Variants in KHDRBS2 observed in about 807,000 individuals in gnomAD.
KHDRBS2 encodes the protein KH domain-containing, RNA-binding, signal transduction-associated protein 2.
In KHDRBS2, 26 loss-of-function variants were observed where a neutral mutation model predicts 44.3. The ratio of observed to expected loss-of-function variants is 0.59; its 90% CI spans 0.43 to 0.81. KHDRBS2 has a LOEUF of 0.81. KHDRBS2 is among the 40% of genes least tolerant of loss of function. The pLI is 0.00. For missense variants in KHDRBS2, 476 were observed against 433.1 expected (o/e 1.10, Z -0.88); for synonymous variants, 194 against 151.1 (o/e 1.28, Z -2.08).
chr6:62,212,059 G>A (rs1251157471), intron 1 of KHDRBS2, among the ~76,000 whole-genome samples: 1 of 152,136 alleles, frequency 6.6e-6, no homozygotes, highest in Non-Finnish European at 1.5e-5. Context: ...TGCAGGAACA[G>A]AAAAGCAAAT....
At chr6:61,891,872 T>A (rs1281361762) in intron 6 of KHDRBS2, among the ~76,000 whole-genome samples, 1 of 152,114 alleles carries the variant, frequency 6.6e-6, no homozygotes, top group Admixed American at 6.6e-5. Flanking sequence ...ACCACTCCTA[T>A]TCAACATAGT....
chr6:62,225,160 A>G (rs917487922), intron 1 of KHDRBS2, among the ~76,000 whole-genome samples: 1 of 152,218 alleles, frequency 6.6e-6, no homozygotes, highest in African/African-American at 2.4e-5. Context: ...ATATAAATAA[A>G]TGATCTAGCT....
chr6:61,735,442 A>G (rs937147167), intron 6 of KHDRBS2, among the ~76,000 whole-genome samples: 7 of 152,134 alleles, frequency 4.6e-5, no homozygotes, highest in African/African-American at 1.7e-4. Context: ...AATTTCTACA[A>G]TTGTCCCAAG....
intron 1 of KHDRBS2, among the ~76,000 whole-genome samples, chr6:62,262,682 GTATTGCTT>G (rs1433387537): frequency 1.3e-5 from 2 of 151,590 alleles, no homozygotes; most frequent in African/African-American, 4.8e-5. Flanking sequence ...TTTTTAGCAA[GTATTGCTT>G]TATTATCTTT....
the KHDRBS2 span, among the ~76,000 whole-genome samples, chr6:61,557,086 C>T: frequency 1.3e-5 from 2 of 151,744 alleles, no homozygotes; most frequent in Non-Finnish European, 2.9e-5. Context: ...ATACTTTTGC[C>T]CTCATGTACC....
At chr6:61,820,859 G>A (rs1391352462) in intron 6 of KHDRBS2, among the ~76,000 whole-genome samples, 2 of 151,914 alleles carry the variant, frequency 1.3e-5, no homozygotes, top group Non-Finnish European at 2.9e-5. Flanking sequence ...TAAATTGAAT[G>A]GTAGTAAACA....
intron 6 of KHDRBS2, among the ~76,000 whole-genome samples, chr6:61,763,563 T>C (rs937825786): frequency 1.3e-5 from 2 of 152,180 alleles, no homozygotes; most frequent in South Asian, 4.1e-4. Context: ...TATGAGATCA[T>C]TAGGAGCCCT....
At chr6:62,020,657 T>A (rs1407320943) in intron 3 of KHDRBS2, among the ~76,000 whole-genome samples, 1 of 152,062 alleles carries the variant, frequency 6.6e-6, no homozygotes, top group African/African-American at 2.4e-5. Context: ...TTATATTTTA[T>A]TTATCAACTG....
chr6:61,722,615 A>G (rs866788496), intron 7 of KHDRBS2, among the ~76,000 whole-genome samples: 1 of 152,172 alleles, frequency 6.6e-6, no homozygotes, highest in African/African-American at 2.4e-5. Context: ...TATTTTCACA[A>G]TTCAAAATCA....
At chr6:62,012,404 A>C (rs1451302076) in intron 3 of KHDRBS2, among the ~76,000 whole-genome samples, 1 of 152,138 alleles carries the variant, frequency 6.6e-6, no homozygotes, top group African/African-American at 2.4e-5. Flanking sequence ...ACTCATCCAC[A>C]ATCCTTTTCC....
the KHDRBS2 span, among the ~76,000 whole-genome samples, chr6:61,639,860 G>GT: frequency 1.3e-5 from 2 of 152,118 alleles, no homozygotes; most frequent in Admixed American, 6.6e-5. Context: ...AAAATAAAGT[G>GT]TTTTTCTGAT....
chr6:62,224,418 G>A (rs1238694238), intron 1 of KHDRBS2, among the ~76,000 whole-genome samples: 1 of 152,100 alleles, frequency 6.6e-6, no homozygotes, highest in East Asian at 1.9e-4. Context: ...GTGTGTGTGT[G>A]TGTAAAGTGT....
intron 1 of KHDRBS2, among the ~76,000 whole-genome samples, chr6:62,244,545 T>G (rs1297590056): frequency 1.3e-5 from 2 of 152,104 alleles, no homozygotes; most frequent in African/African-American, 2.4e-5. Context: ...GAGAATAAAT[T>G]AAGGACAATT....
At chr6:62,165,945 A>G (rs1818599634) in intron 2 of KHDRBS2, among the ~76,000 whole-genome samples, 1 of 152,010 alleles carries the variant, frequency 6.6e-6, no homozygotes, top group South Asian at 2.1e-4. Context: ...CTCGGTACCC[A>G]TTAATGAACA....
intron 1 of KHDRBS2, among the ~76,000 whole-genome samples, chr6:62,266,562 G>A (rs1839236356): frequency 6.6e-6 from 1 of 151,828 alleles, no homozygotes; most frequent in African/African-American, 2.4e-5. Context: ...TTTTTTTGCA[G>A]GTCTAGTTTC....
At chr6:62,083,189 C>A (rs957304690) in intron 2 of KHDRBS2, among the ~76,000 whole-genome samples, 18 of 151,780 alleles carry the variant, frequency 1.2e-4, no homozygotes, top group South Asian at 6.3e-4. Context: ...CAGAGCATCA[C>A]AGCAGAGAAG....
At chr6:61,683,590 CTCTT>C (rs981749242) in intron 8 of KHDRBS2, among the ~76,000 whole-genome samples, 2 of 151,858 alleles carry the variant, frequency 1.3e-5, no homozygotes, top group Non-Finnish European at 2.9e-5. Context: ...ATTTAAAAAA[CTCTT>C]TAATTAGAAA....
chr6:61,597,216 G>T, the KHDRBS2 span, among the ~76,000 whole-genome samples: 6 of 152,232 alleles, frequency 3.9e-5, no homozygotes, highest in South Asian at 1.2e-3. Context: ...TTCAAATAAA[G>T]ATTTTCTTTT....
At chr6:61,958,413 AT>A (rs1767912783) in intron 4 of KHDRBS2, among the ~76,000 whole-genome samples, 1 of 152,078 alleles carries the variant, frequency 6.6e-6, no homozygotes. Context: ...AGAGAAAGCC[AT>A]TTGGCCACCC....
Sources: allele counts gnomAD v4.1 joint callset (sites outside exome capture counted in the v4.1 genomes callset), GRCh38; gene constraint gnomAD v4.1.1; transcripts MANE v1.5; gene names NCBI Gene and HGNC (gene_info 2026-07-23, HGNC 2026-07-21).